The following VIPAS39 variants were observed in gnomAD, a reference collection of about 807,000 sequenced individuals.
VIPAS39 encodes the protein spermatogenesis-defective protein 39 homolog.
A neutral mutation model predicts 84.7 loss-of-function variants in VIPAS39; 63 were observed. The ratio of observed to expected loss-of-function variants is 0.74; its 90% CI spans 0.61 to 0.92. The LOEUF (loss-of-function observed/expected upper bound fraction) is 0.92. VIPAS39 is among the 40% of genes least tolerant of loss of function. VIPAS39 has a pLI of 0.00. For missense variants in VIPAS39, 499 were observed against 604.5 expected (o/e 0.83, Z 1.83); for synonymous variants, 192 against 216.5 (o/e 0.89, Z 0.99).
intron 10 of VIPAS39, among the ~76,000 whole-genome samples, 180 bp downstream of exon 10, chr14:77,442,380 C>G (rs751927731): frequency 2.0e-5 from 3 of 152,188 alleles, no homozygotes; most frequent in Non-Finnish European, 4.4e-5. Context: ...TGGTTCTTAA[C>G]CAACTTGCAC....
At chr14:77,445,345 CT>C (rs1296318449) in intron 7 of VIPAS39, among the ~76,000 whole-genome samples, 2 of 152,192 alleles carry the variant, frequency 1.3e-5, no homozygotes, top group Non-Finnish European at 2.9e-5. Flanking sequence ...CATGTATCTT[CT>C]TTTGTGATGT....
intron 19 of VIPAS39, 27 bp from the exon 20 acceptor site, chr14:77,427,663 G>T (rs1170706123): frequency 6.2e-7 from 1 of 1,614,012 alleles, no homozygotes; most frequent in Non-Finnish European, 8.5e-7. Context: ...CAATGAAAGT[G>T]TGTGATCAGT....
intron 1 of VIPAS39, among the ~76,000 whole-genome samples, chr14:77,455,922 G>C (rs1007845019): frequency 6.6e-6 from 1 of 152,188 alleles, no homozygotes; most frequent in Non-Finnish European, 1.5e-5. Flanking sequence ...AATGCTGGCA[G>C]ACACCATGAA....
chr14:77,451,093 A>C, intron 4 of VIPAS39, 94 bp downstream of exon 4: 2 of 1,577,916 alleles, frequency 1.3e-6, no homozygotes, highest in African/African-American at 1.4e-5. Context: ...ACCCTTCAAT[A>C]ATCTTTTTCT....
intron 1 of VIPAS39, among the ~76,000 whole-genome samples, chr14:77,456,790 C>A (rs1255455101): frequency 6.6e-6 from 1 of 152,134 alleles, no homozygotes; most frequent in African/African-American, 2.4e-5. Flanking sequence ...TAGACAACTG[C>A]CATCAATTTG....
chr14:77,435,714 A>G (rs1201075597), intron 13 of VIPAS39, 130 bp downstream of exon 13: 8 of 1,060,280 alleles, frequency 7.5e-6, no homozygotes, highest in Non-Finnish European at 1.0e-5. Flanking sequence ...TATTGTGTAC[A>G]GGCAGAAAAT....
intron 10 of VIPAS39, among the ~76,000 whole-genome samples, chr14:77,441,618 G>A (rs1042823149): frequency 6.6e-6 from 1 of 152,106 alleles, no homozygotes; most frequent in Non-Finnish European, 1.5e-5. Context: ...AAAGAGTAAG[G>A]GAGGGAAGGA....
intron 4 of VIPAS39, among the ~76,000 whole-genome samples, chr14:77,450,116 A>C (rs184608699): frequency 6.6e-6 from 1 of 152,296 alleles, no homozygotes; most frequent in East Asian, 1.9e-4. Context: ...TACACCCTTT[A>C]AACAATAACT....
chr14:77,455,168 C>A lies in VIPAS39; in HGVS notation c.1-1066G>T, dbSNP rs997328091. ...TACTATAAAATTCAATTTTGCCCTG[C>A]AAAAACAAGTTTTGCCCTAGAATTA... On this transcript the variant is annotated intron_variant, in intron 1 of 19. Coordinates refer to ENST00000557658, the MANE Select transcript of VIPAS39 (RefSeq NM_001193315.2). Among the ~76,000 whole-genome samples, 36 of 152,238 alleles carry A rather than the reference C, an allele frequency of 2.4e-4. 1 individual carries two copies. Among genetic ancestry groups the A allele is most frequent in the African/African-American group, 8.7e-4 (36 of 41,534 alleles).
At chr14:77,438,228 T>A (rs951136496) in intron 11 of VIPAS39, among the ~76,000 whole-genome samples, 39 of 46,124 alleles carry the variant, frequency 8.5e-4, no homozygotes, top group East Asian at 0.015. Flanking sequence ...TATGGAAAAT[T>A]TTTTTTTTTT....
chr14:77,449,596 A>G (rs1594922440), intron 5 of VIPAS39, 118 bp downstream of exon 5: 2 of 1,400,682 alleles, frequency 1.4e-6, no homozygotes, highest in Non-Finnish European at 2.0e-6. Flanking sequence ...TAATAATGAC[A>G]GTAGATGCAG....
Position 77,435,315 on chromosome 14 carries a change from T to C in VIPAS39, c.991A>G (p.Met331Val), listed in dbSNP as rs562914735. The C allele has an allele frequency of 1.2e-5, 19 of 1,613,580 alleles. No individual in the cohort carries two copies. The highest frequency in any genetic ancestry group is 1.6e-5 in the Non-Finnish European group (19 of 1,179,978). The stretch of plus-strand genomic sequence containing the variant: ...TAGAAAAGTGTTGTCACTAGTGGCA[T>C]GTTGAGGATGGAGGCTTTGCGGGGG... ...KHPRKASILN[M>V]PLVTTLFYSC... The change falls in exon 14 of 20, where the codon ATG (methionine) becomes GTG (valine). Residue 331 changes from methionine to valine, a missense_variant. Transcript: ENST00000557658.
chr14:77,439,121 T>C (rs2078660384), intron 11 of VIPAS39, among the ~76,000 whole-genome samples: 1 of 152,210 alleles, frequency 6.6e-6, no homozygotes, highest in Admixed American at 6.5e-5. Flanking sequence ...GGGCATACAC[T>C]AAAAGTGTAC....
chr14:77,447,046 CT>C (rs34819838), intron 7 of VIPAS39, among the ~76,000 whole-genome samples: 65 of 143,274 alleles, frequency 4.5e-4, no homozygotes, highest in East Asian at 1.2e-3. Flanking sequence ...CCACACCTGG[CT>C]TTTTTTTTTT....
chr14:77,432,869 G>C (rs549391831), intron 16 of VIPAS39, among the ~76,000 whole-genome samples: 1 of 152,292 alleles, frequency 6.6e-6, no homozygotes, highest in East Asian at 1.9e-4. Context: ...TTTGCTAAGA[G>C]AGTGAATTTT....
intron 16 of VIPAS39, among the ~76,000 whole-genome samples, chr14:77,431,828 T>C (rs2078527700): frequency 1.3e-5 from 2 of 152,212 alleles, no homozygotes; most frequent in African/African-American, 4.8e-5. Flanking sequence ...TAACTATTCA[T>C]GAAATGTAAC....
chr14:77,429,792 G>T, intron 16 of VIPAS39, 25 bp from the exon 17 acceptor site: 1 of 1,602,606 alleles, frequency 6.2e-7, no homozygotes, highest in Non-Finnish European at 8.6e-7. Flanking sequence ...TGGGGTAGCG[G>T]CAGGTAGGCC....
intron 1 of VIPAS39, 135 bp downstream of exon 1, chr14:77,457,360 C>T (rs2078976004): frequency 2.0e-6 from 3 of 1,535,668 alleles, no homozygotes; most frequent in East Asian, 2.4e-5. Flanking sequence ...CCAAGGGTCG[C>T]CCTGACTGAA....
At chr14:77,442,706 T>G in intron 9 of VIPAS39, 44 bp from the exon 10 acceptor site, 1 of 1,568,610 alleles carries the variant, frequency 6.4e-7, no homozygotes. Flanking sequence ...TTAAAGCCAA[T>G]TAGTCAAGTG....
Sources: gnomAD v4.1 joint callset for allele counts (sites outside exome capture counted in the v4.1 genomes callset) on GRCh38, gnomAD v4.1.1 for gene constraint, MANE v1.5 for transcripts, NCBI Gene and HGNC (gene_info 2026-07-23, HGNC 2026-07-21) for gene names.